Variants in ALG9 observed in about 807,000 individuals in gnomAD.
ALG9 encodes alpha-1,2-mannosyltransferase ALG9.
Under a neutral mutation model 81.8 loss-of-function variants are expected in ALG9, and 55 were observed. The observed-to-expected ratio is 0.67, with a 90% CI of 0.54 to 0.84. ALG9 has a LOEUF of 0.84. ALG9 is among the 40% of genes least tolerant of loss of function. The probability of loss-of-function intolerance (pLI) is 0.00; values close to 1 mark genes in which losing one functional copy is unlikely to be tolerated. For synonymous variants in ALG9, 278 were observed against 274.3 expected, an observed-to-expected ratio of 1.01 and a Z score of -0.13; for missense variants, 629 against 745.0, an observed-to-expected ratio of 0.84 and a Z score of 1.81.
chr11:111,827,951 G>T (rs1183199683), intron 13 of ALG9, among the ~76,000 whole-genome samples: 1 of 151,754 alleles, frequency 6.6e-6, no homozygotes, highest in African/African-American at 2.4e-5. Context: ...ACTTTGGGAG[G>T]CCAAGGCTGG....
chr11:111,870,299 G>T lies in ALG9; in HGVS notation c.203C>A (p.Ala68Glu), dbSNP rs782038640. 2 of 1,608,602 alleles carry T rather than the reference G, an allele frequency of 1.2e-6. No individual in the cohort carries two copies. Among genetic ancestry groups the T allele is most frequent in the Non-Finnish European group, 1.7e-6 (2 of 1,178,706 alleles). ...GCTCAGGAGAGCAGCACATAACCTTGCTGAAAGCAGACACTTGAAAGCAGT... is the reference window on the plus strand; with the variant it reads ...GCTCAGGAGAGCAGCACATAACCTTTCTGAAAGCAGACACTTGAAAGCAGT... Reference protein sequence around the residue: ...GSTAFKCLLSARLCAALLSNI... With the variant: ...GSTAFKCLLSERLCAALLSNI... Residue 68 changes from alanine to glutamate, a missense_variant, in exon 2 of 15, where the codon GCA becomes GAA. Physicochemically the swap from Ala to Glu is moderately radical, Grantham distance 107 (BLOSUM62 -1). Coordinates refer to ENST00000616540, the MANE Select transcript of ALG9 (RefSeq NM_024740.2).
In ALG9 at chr11:111,815,346, A is replaced by C. The variant is rs371142434; in HGVS notation, c.1603-5573T>G. Among the ~76,000 whole-genome samples, 74 of 152,260 alleles carry C rather than the reference A, an allele frequency of 4.9e-4. 1 individual carries two copies. Among genetic ancestry groups the C allele is most frequent in the African/African-American group, 1.7e-3 (70 of 41,544 alleles). Reference sequence around the variant, plus strand: ...CTTGAGCCCAAGAGTTCGAGGCTACAGTGAGCTGATTGTGCCGCTGCACTC... The same window carrying C: ...CTTGAGCCCAAGAGTTCGAGGCTACCGTGAGCTGATTGTGCCGCTGCACTC... On this transcript the variant is annotated intron_variant, in intron 13 of 14. Coordinates refer to ENST00000616540, the MANE Select transcript of ALG9 (RefSeq NM_024740.2).
intron 14 of ALG9, chr11:111,788,615 C>T (rs956973938): frequency 1.6e-5 from 6 of 377,180 alleles, no homozygotes; most frequent in African/African-American, 1.1e-4. Flanking sequence ...CAGGGTGGCA[C>T]ACACCCGCAG....
At chr11:111,797,684 G>GGGCT (rs1948508783) in intron 14 of ALG9, among the ~76,000 whole-genome samples, 1 of 152,212 alleles carries the variant, frequency 6.6e-6, no homozygotes, top group South Asian at 2.1e-4. Context: ...CTGGAGCTAA[G>GGGCT]GGCTGGCTCC....
chr11:111,818,593 C>A, intron 13 of ALG9, among the ~76,000 whole-genome samples: 1 of 152,224 alleles, frequency 6.6e-6, no homozygotes, highest in East Asian at 1.9e-4. Context: ...TTAAGAAAGA[C>A]TTCACTGACC....
chr11:111,869,384 G>A (rs1370718909), intron 2 of ALG9, among the ~76,000 whole-genome samples: 1 of 152,004 alleles, frequency 6.6e-6, no homozygotes, highest in Non-Finnish European at 1.5e-5. Flanking sequence ...CAGGTAATGT[G>A]TAAATCAATA....
At chr11:111,819,116 T>G (rs1555100770) in intron 13 of ALG9, among the ~76,000 whole-genome samples, 1 of 152,182 alleles carries the variant, frequency 6.6e-6, no homozygotes, top group East Asian at 1.9e-4. Flanking sequence ...ACAGGAGGAA[T>G]GGGTTCAATG....
chr11:111,817,925 C>T (rs1240084580), intron 13 of ALG9, among the ~76,000 whole-genome samples: 1 of 152,026 alleles, frequency 6.6e-6, no homozygotes, highest in Non-Finnish European at 1.5e-5. Context: ...ATTACAGGGG[C>T]CCGCCACCAC....
At chr11:111,772,725 T>C in the ALG9 span, among the ~76,000 whole-genome samples, 13 of 152,256 alleles carry the variant, frequency 8.5e-5, no homozygotes, top group African/African-American at 3.1e-4. Context: ...ACTGAGGAAG[T>C]GGGAGCAAAT....
rs900358332 is a variant in ALG9, at chr11:111,839,445, C to G, written c.1174-1046G>C. On this transcript the variant is annotated intron_variant, in intron 10 of 14. Coordinates refer to ENST00000616540, the MANE Select transcript of ALG9 (RefSeq NM_024740.2). ...ACTAAAAATACAAAAATTAGCCGGG[C>G]GTGGTGGCGGGCGCCTGTAGTCCCA... Among the ~76,000 whole-genome samples, 7 of 151,894 alleles carry G rather than the reference C, an allele frequency of 4.6e-5. No homozygotes were observed. The East Asian group carries it at 7.8e-4, about 17-fold the overall frequency.
chr11:111,837,663 T>G, intron 11 of ALG9, 48 bp from the exon 12 acceptor site: 15 of 1,591,712 alleles, frequency 9.4e-6, no homozygotes, highest in Non-Finnish European at 1.2e-5. Flanking sequence ...TAAGATGAGA[T>G]TCTCACTTTA....
At chr11:111,770,392 T>A in the ALG9 span, among the ~76,000 whole-genome samples, 1 of 152,180 alleles carries the variant, frequency 6.6e-6, no homozygotes, top group South Asian at 2.1e-4. Context: ...CTGAAAGTCT[T>A]TGGAGGCCAC....
chr11:111,798,789 G>C (rs1948670889), intron 14 of ALG9, among the ~76,000 whole-genome samples: 1 of 152,200 alleles, frequency 6.6e-6, no homozygotes, highest in African/African-American at 2.4e-5. Context: ...CTAGTTGTGT[G>C]AGCAGGGACT....
chr11:111,793,693 G>A (rs557817772), intron 14 of ALG9, among the ~76,000 whole-genome samples: 239 of 151,534 alleles, frequency 1.6e-3, no homozygotes, highest in African/African-American at 5.6e-3. Flanking sequence ...CCCGGGAGGC[G>A]GAGCTTGCAG....
At chr11:111,845,412 C>A in intron 8 of ALG9, 1 of 152,724 alleles carries the variant, frequency 6.5e-6, no homozygotes, top group African/African-American at 2.4e-5. Context: ...TTGATATGCT[C>A]AACCACTTAT....
In ALG9 at chr11:111,836,308, A is replaced by G. The variant is rs187507214; in HGVS notation, c.1473-14T>C. The G allele has an allele frequency of 8.0e-3, 12,921 of 1,613,840 alleles. 68 individuals are homozygous for G. The highest frequency in any genetic ancestry group is 0.024 in the Middle Eastern group (146 of 6,058). On this transcript the variant is annotated splice_polypyrimidine_tract_variant and intron_variant, in intron 12 of 14. Transcript: ENST00000616540. ...TGAAGCTGCCAACTGTCAGAAACAC[A>G]AGGAGAATAAGAAAAACACAGGGGG...
At position 111,860,630 on chromosome 11, in the gene ALG9, A is replaced by G. The variant is rs782818511; in HGVS notation, c.482T>C (p.Val161Ala). ...CICELYFYKA[V>A]CKKFGLHVSR... is the part of the protein sequence containing the mutation. ...CACGTGCAACCCAAACTTCTTGCAC[A>G]CAGCCCTAGGAAAAAGGCAAAGACT... is the stretch of plus-strand genomic sequence containing the variant. Residue 161 changes from valine (V) to alanine (A), a missense_variant, in exon 5 of 15, where the codon GTG becomes GCG. By Grantham distance (64) the Val-to-Ala change is moderately conservative. Coordinates refer to ENST00000616540, the MANE Select transcript of ALG9 (RefSeq NM_024740.2). 11 of 1,612,844 alleles carry G rather than the reference A, an allele frequency of 6.8e-6. No homozygotes were observed. Among genetic ancestry groups the G allele is most frequent in the Admixed American group, 6.7e-5 (4 of 59,866 alleles).
intron 6 of ALG9, among the ~76,000 whole-genome samples, chr11:111,855,489 G>A (rs1420587710): frequency 6.6e-6 from 1 of 152,114 alleles, no homozygotes; most frequent in Non-Finnish European, 1.5e-5. Flanking sequence ...GGGGAGTGAA[G>A]ACAAGTAATC....
At chr11:111,818,365 T>A (rs1294589306) in intron 13 of ALG9, among the ~76,000 whole-genome samples, 2 of 152,220 alleles carry the variant, frequency 1.3e-5, no homozygotes, top group African/African-American at 4.8e-5. Context: ...CTAGGCTGTA[T>A]GGTGTAGCCA....
Sources: gnomAD v4.1 joint callset for allele counts (sites outside exome capture counted in the v4.1 genomes callset) on GRCh38, gnomAD v4.1.1 for gene constraint, MANE v1.5 for transcripts, NCBI Gene and HGNC (gene_info 2026-07-23, HGNC 2026-07-21) for gene names.